The following XKR4 variants were observed in gnomAD, a reference collection of about 807,000 sequenced individuals.
XKR4 encodes XK related 4.
In XKR4, 12 loss-of-function variants were observed where a neutral mutation model predicts 53.9. That is an observed-to-expected ratio of 0.22 (90% CI 0.14 to 0.36). XKR4 has a LOEUF of 0.36. XKR4 is among the 10% of genes least tolerant of loss of function. The pLI, the probability that XKR4 is intolerant of heterozygous loss-of-function variation, is 1.00. For missense variants in XKR4, 799 were observed against 859.5 expected, an observed-to-expected ratio of 0.93 and a Z score of 0.88; for synonymous variants, 354 against 362.4, an observed-to-expected ratio of 0.98 and a Z score of 0.26.
chr8:55,164,815 C>T (rs868228668), intron 1 of XKR4: 14 of 172,760 alleles, frequency 8.1e-5, no homozygotes, highest in Middle Eastern at 2.8e-3. Flanking sequence ...CACACACACA[C>T]GTTCAGCAGA....
chr8:55,194,740 C>A (rs1265900390), intron 1 of XKR4, among the ~76,000 whole-genome samples: 3 of 152,140 alleles, frequency 2.0e-5, no homozygotes, highest in African/African-American at 7.2e-5. Context: ...CCTCTAATAG[C>A]CCTGGGGTAG....
chr8:55,528,238 T>A lies in XKR4; in HGVS notation c.*4011T>A, dbSNP rs1316904365. 1 of 152,216 alleles carries A rather than the reference T, an allele frequency of 6.6e-6. No individual in the cohort carries two copies. The highest frequency in any genetic ancestry group is 1.5e-5 in the Non-Finnish European group (1 of 68,026). The allele number at this position is 152,216 out of a possible 1,614,324, so 9.4% of individuals were successfully genotyped here. A position where few individuals can be genotyped will look rare whatever the true frequency, so the allele number is the denominator to read the frequency against. ...AAATACCTAAATATAATTCAGCACT[T>A]CTTAGCTCGAATGAGTTTTATCACT... On this transcript the variant is annotated 3_prime_UTR_variant, in exon 3 of 3. Transcript: ENST00000327381.
intron 2 of XKR4, chr8:55,520,803 T>C (rs1173695643): frequency 6.6e-6 from 1 of 152,514 alleles, no homozygotes; most frequent in African/African-American, 2.4e-5. Flanking sequence ...GCTGAATTAC[T>C]CTTTTAGGAC....
At chr8:55,206,099 G>A (rs1817645086) in intron 1 of XKR4, among the ~76,000 whole-genome samples, 1 of 152,212 alleles carries the variant, frequency 6.6e-6, no homozygotes, top group Non-Finnish European at 1.5e-5. Flanking sequence ...TCGCAGTTGA[G>A]TGTCACAGCT....
At chr8:55,197,703 C>G (rs893798740) in intron 1 of XKR4, among the ~76,000 whole-genome samples, 66 of 152,238 alleles carry the variant, frequency 4.3e-4, no homozygotes, top group Admixed American at 4.3e-3. Context: ...GCCACCACGC[C>G]TGGCTAGTTT....
chr8:55,222,039 C>G (rs1218757267), intron 1 of XKR4, among the ~76,000 whole-genome samples: 1 of 152,174 alleles, frequency 6.6e-6, no homozygotes, highest in Non-Finnish European at 1.5e-5. Flanking sequence ...TATTTCCTGT[C>G]CCAGAGAGTG....
chr8:55,445,175 A>G (rs939368990), intron 2 of XKR4, among the ~76,000 whole-genome samples: 2 of 152,078 alleles, frequency 1.3e-5, no homozygotes, highest in African/African-American at 4.8e-5. Flanking sequence ...CTCCTGCCTC[A>G]GCCTCCCTAG....
chr8:55,309,389 G>C (rs899614499), intron 1 of XKR4, among the ~76,000 whole-genome samples: 1 of 152,184 alleles, frequency 6.6e-6, no homozygotes, highest in Non-Finnish European at 1.5e-5. Context: ...AGATTTAGGG[G>C]TTGCAAAGAG....
intron 1 of XKR4, among the ~76,000 whole-genome samples, chr8:55,105,831 A>G (rs1339289507): frequency 6.6e-6 from 1 of 152,230 alleles, no homozygotes; most frequent in East Asian, 1.9e-4. Context: ...ATGGAACTTA[A>G]CACTCAGATG....
intron 1 of XKR4, among the ~76,000 whole-genome samples, chr8:55,298,160 C>T (rs1005991522): frequency 6.6e-6 from 1 of 152,130 alleles, no homozygotes; most frequent in African/African-American, 2.4e-5. Context: ...CAGAATCTCT[C>T]ACATTTGCTC....
chr8:55,455,479 T>C (rs1416344961), intron 2 of XKR4, among the ~76,000 whole-genome samples: 1 of 152,168 alleles, frequency 6.6e-6, no homozygotes, highest in Non-Finnish European at 1.5e-5. Flanking sequence ...ACTTTGGTGC[T>C]AGAGGGGGCT....
At position 55,237,025 on chromosome 8, in the gene XKR4, T is replaced by G. The variant is rs138581812; in HGVS notation, c.807-120653T>G. Among the ~76,000 whole-genome samples the G allele has an allele frequency of 5.0e-3, 762 of 152,370 alleles. 11 individuals are homozygous for G. Among genetic ancestry groups the G allele is most frequent in the African/African-American group, 0.017 (714 of 41,584 alleles). ...CTCCCATGTCCCCTCTGGTTGTGCT[T>G]CTTCTTCAAGGTCTAGTTCAATTGT... On this transcript the variant is annotated intron_variant, in intron 1 of 2. Transcript: ENST00000327381.
intron 1 of XKR4, among the ~76,000 whole-genome samples, chr8:55,259,780 A>C (rs1818492708): frequency 6.6e-6 from 1 of 152,204 alleles, no homozygotes; most frequent in African/African-American, 2.4e-5. Flanking sequence ...GAATCCTAAC[A>C]GACTTTATTA....
intron 1 of XKR4, among the ~76,000 whole-genome samples, chr8:55,179,060 G>A (rs527604964): frequency 1.6e-4 from 24 of 152,210 alleles, no homozygotes; most frequent in Non-Finnish European, 2.1e-4. Flanking sequence ...AAGAGGAAGA[G>A]GGCTTAAATA....
At chr8:55,381,690 G>A (rs974152310) in intron 2 of XKR4, among the ~76,000 whole-genome samples, 7 of 152,104 alleles carry the variant, frequency 4.6e-5, no homozygotes, top group African/African-American at 1.2e-4. Context: ...ATGGACCGAC[G>A]TGCTGTTCTC....
intron 1 of XKR4, among the ~76,000 whole-genome samples, chr8:55,153,390 A>G (rs1585907770): frequency 6.6e-6 from 1 of 152,230 alleles, no homozygotes; most frequent in Admixed American, 6.5e-5. Flanking sequence ...TCTTAATGGA[A>G]GAAAATATTC....
chr8:55,490,243 T>TA (rs936806293), intron 2 of XKR4, among the ~76,000 whole-genome samples: 2 of 152,068 alleles, frequency 1.3e-5, no homozygotes, highest in African/African-American at 2.4e-5. Flanking sequence ...TATGCAGCCA[T>TA]AAAAAAGAAT....
At chr8:55,107,099 G>A (rs1816159746) in intron 1 of XKR4, among the ~76,000 whole-genome samples, 1 of 151,916 alleles carries the variant, frequency 6.6e-6, no homozygotes, top group Admixed American at 6.6e-5. Context: ...CTTAAAACTG[G>A]CCAAACAAAA....
chr8:55,510,862 C>T (rs1023662570), intron 2 of XKR4, among the ~76,000 whole-genome samples: 2 of 152,226 alleles, frequency 1.3e-5, no homozygotes, highest in Non-Finnish European at 2.9e-5. Flanking sequence ...GCCCAGGTCC[C>T]GTGCCCTGCG....
Sources: allele counts gnomAD v4.1 joint callset (sites outside exome capture counted in the v4.1 genomes callset), GRCh38; gene constraint gnomAD v4.1.1; transcripts MANE v1.5; gene names NCBI Gene and HGNC (gene_info 2026-07-23, HGNC 2026-07-21).